Variants in ANKRD6 observed in about 807,000 individuals in gnomAD.
ANKRD6 encodes the protein ankyrin repeat domain 6, also known as ankyrin repeat domain-containing protein 6.
A neutral mutation model predicts 82.3 loss-of-function variants in ANKRD6; 56 were observed. The observed-to-expected ratio is 0.68, with a 90% CI of 0.55 to 0.85. ANKRD6 has a LOEUF of 0.85. Ranked by LOEUF, ANKRD6 falls within the 40% of genes least tolerant of loss-of-function variation. ANKRD6 has a pLI of 0.00. For missense variants in ANKRD6, 852 were observed against 907.6 expected, an observed-to-expected ratio of 0.94 and a Z score of 0.79; for synonymous variants, 347 against 352.1, an observed-to-expected ratio of 0.99 and a Z score of 0.16.
intron 1 of ANKRD6, among the ~76,000 whole-genome samples, chr6:89,543,904 C>G (rs1004165131): frequency 6.6e-6 from 1 of 152,190 alleles, no homozygotes; most frequent in Non-Finnish European, 1.5e-5. Context: ...ATCCTTGCCT[C>G]TGGTTAATTG....
rs554613968 is a variant in ANKRD6, at chr6:89,461,579, TAAC to T, written c.-144+28208_-144+28210del. 6.5e-4 allele frequency among the ~76,000 whole-genome samples: 99 copies of T among 152,336 alleles called. 2 individuals are homozygous for T. In the South Asian group the frequency reaches 9.1e-3, roughly 14 times the overall value. On this transcript the variant is annotated intron_variant, in intron 1 of 15. Transcript: ENST00000339746. ...TTTTTTAGCAGTTCACATTCACTCA[TAAC>T]AACTCAGTATCATTTGCTAAATAAA...
chr6:89,603,427 G>C (rs1428763266), intron 4 of ANKRD6, among the ~76,000 whole-genome samples: 1 of 148,762 alleles, frequency 6.7e-6, no homozygotes, highest in African/African-American at 2.5e-5. Flanking sequence ...CTGGGCTCAA[G>C]TGCTCCTCCC....
chr6:89,462,266 T>TAATAATAATAAA (rs1774261657), intron 1 of ANKRD6, among the ~76,000 whole-genome samples: 1 of 148,544 alleles, frequency 6.7e-6, no homozygotes, highest in Admixed American at 6.7e-5. Context: ...ATAATAATAA[T>TAATAATAATAAA]AATAAATACA....
chr6:89,446,971 A>G (rs1484738424), intron 1 of ANKRD6, among the ~76,000 whole-genome samples: 3 of 152,174 alleles, frequency 2.0e-5, no homozygotes, highest in Non-Finnish European at 4.4e-5. Flanking sequence ...AGGGTTCCCC[A>G]GCCCTGCGGA....
intron 1 of ANKRD6, among the ~76,000 whole-genome samples, chr6:89,500,045 C>T (rs978221242): frequency 2.6e-5 from 4 of 152,182 alleles, no homozygotes; most frequent in Admixed American, 2.6e-4. Flanking sequence ...GATTCCATCA[C>T]ACCCCAGTTT....
intron 1 of ANKRD6, among the ~76,000 whole-genome samples, chr6:89,479,934 G>T (rs370139981): frequency 2.6e-5 from 4 of 152,120 alleles, no homozygotes; most frequent in Non-Finnish European, 5.9e-5. Context: ...TGTTTGGGGT[G>T]TGTTAAAACA....
At chr6:89,567,473 G>A (rs1178634764) in intron 2 of ANKRD6, among the ~76,000 whole-genome samples, 2 of 152,150 alleles carry the variant, frequency 1.3e-5, no homozygotes, top group South Asian at 2.1e-4. Flanking sequence ...ACTGTGCAGA[G>A]TCTCATTGTC....
chr6:89,598,353 C>T, intron 3 of ANKRD6: 1 of 985,192 alleles, frequency 1.0e-6, no homozygotes, highest in Non-Finnish European at 1.2e-6. Flanking sequence ...CAGTGAAAGC[C>T]ATGAAAGAAG....
At chr6:89,437,201 C>G (rs1235527309) in intron 1 of ANKRD6, among the ~76,000 whole-genome samples, 2 of 152,130 alleles carry the variant, frequency 1.3e-5, no homozygotes, top group East Asian at 1.9e-4. Flanking sequence ...CCTACCTACC[C>G]CCACCCCATA....
In ANKRD6 at chr6:89,624,660, T is replaced by C; in HGVS notation, c.1340T>C (p.Leu447Pro). The C allele has an allele frequency of 6.2e-7, 1 of 1,600,318 alleles. No individual in the cohort carries two copies. Among genetic ancestry groups the C allele is most frequent in the Non-Finnish European group, 8.5e-7 (1 of 1,173,256 alleles). ...GTTCAGGACAAAATGAATACAAAGCTGGGGCAGATGGAGAATAAGACCCAG... is the reference window on the plus strand; with the variant it reads ...GTTCAGGACAAAATGAATACAAAGCCGGGGCAGATGGAGAATAAGACCCAG... ...GSVQDKMNTK[L>P]GQMENKTQHQ... is the part of the protein sequence containing the mutation. The change falls in exon 13 of 16, where the codon CTG becomes CCG. Residue 447 changes from leucine to proline, a missense_variant. Transcript: ENST00000339746.
At position 89,623,872 on chromosome 6, in the gene ANKRD6, G is replaced by T; in HGVS notation, c.1033G>T (p.Val345Leu). The T allele has an allele frequency of 1.2e-6, 2 of 1,611,640 alleles. No individual in the cohort carries two copies. The highest frequency in any genetic ancestry group is 1.7e-6 in the Non-Finnish European group (2 of 1,178,868). The change falls in exon 12 of 16, where the codon GTG becomes TTG. Residue 345 changes from valine to leucine, a missense_variant and splice_region_variant. Transcript: ENST00000339746. ...DDRRRKSRPK[V>L]SAFSDPTPPA... is the part of the protein sequence containing the mutation. Reference sequence around the variant, plus strand: ...GGTGTTGTCTCTTCCTCTCTTACAGGTGTCAGCATTTTCTGACCCCACCCC... The same window carrying T: ...GGTGTTGTCTCTTCCTCTCTTACAGTTGTCAGCATTTTCTGACCCCACCCC...
At chr6:89,628,859 C>G (rs1806615233) in intron 14 of ANKRD6, 5 of 468,450 alleles carry the variant, frequency 1.1e-5, no homozygotes, top group Non-Finnish European at 1.9e-5. Context: ...ATGAGGCATT[C>G]ACCCCCTTGA....
intron 3 of ANKRD6, chr6:89,601,571 A>G (rs1467758629): frequency 6.6e-6 from 1 of 152,228 alleles, no homozygotes; most frequent in Non-Finnish European, 1.5e-5. Flanking sequence ...TGGATTTTTA[A>G]AGGGAGACTT....
chr6:89,524,009 T>C (rs1048292464), intron 1 of ANKRD6, among the ~76,000 whole-genome samples: 3 of 152,162 alleles, frequency 2.0e-5, no homozygotes, highest in East Asian at 1.9e-4. Context: ...TCAGTTCTTA[T>C]ATGGTTTTCA....
intron 1 of ANKRD6, among the ~76,000 whole-genome samples, chr6:89,510,773 A>G (rs532706468): frequency 1.3e-5 from 2 of 152,062 alleles, no homozygotes; most frequent in Non-Finnish European, 2.9e-5. Context: ...TTATATAAAT[A>G]CAATCATATA....
chr6:89,559,903 A>T (rs1445422305), intron 1 of ANKRD6, among the ~76,000 whole-genome samples: 2 of 152,230 alleles, frequency 1.3e-5, no homozygotes, highest in African/African-American at 4.8e-5. Context: ...TTAGTTGACT[A>T]GGTGAGTACC....
chr6:89,631,064 A>G lies in ANKRD6; in HGVS notation c.*60A>G, dbSNP rs1807309702. On this transcript the variant is annotated 3_prime_UTR_variant, in exon 16 of 16. Transcript: ENST00000339746. ...AGATTTCCAGTTTTGCAACTGCATAATAGCTATGCCCAAGGAGTCAACTAT... is the reference window on the plus strand; with the variant it reads ...AGATTTCCAGTTTTGCAACTGCATAGTAGCTATGCCCAAGGAGTCAACTAT... The G allele has an allele frequency of 1.1e-5, 16 of 1,451,724 alleles. No homozygotes were observed. The highest frequency in any genetic ancestry group is 1.4e-5 in the Non-Finnish European group (16 of 1,108,306). The allele number at this position is 1,451,724 out of a possible 1,614,324, so 89.9% of individuals were successfully genotyped here. A position where few individuals can be genotyped will look rare whatever the true frequency, so the allele number is the denominator to read the frequency against.
chr6:89,605,114 C>T (rs1439419558), intron 4 of ANKRD6, among the ~76,000 whole-genome samples: 5 of 152,122 alleles, frequency 3.3e-5, no homozygotes, highest in Non-Finnish European at 5.9e-5. Context: ...AGGCCGGGCA[C>T]GGTGGCTCAC....
intron 5 of ANKRD6, 147 bp downstream of exon 5, chr6:89,606,252 A>G: frequency 1.6e-6 from 1 of 610,958 alleles, no homozygotes; most frequent in South Asian, 2.8e-5. Flanking sequence ...CAGAAGTTTC[A>G]TTTGCAGAAA....
Sources: allele counts gnomAD v4.1 joint callset (sites outside exome capture counted in the v4.1 genomes callset), GRCh38; gene constraint gnomAD v4.1.1; transcripts MANE v1.5; gene names NCBI Gene and HGNC (gene_info 2026-07-23, HGNC 2026-07-21).